The following CCDC73 variants were observed in gnomAD, a reference collection of about 807,000 sequenced individuals.
CCDC73 encodes the protein coiled-coil domain containing 73, also known as coiled-coil domain-containing protein 73.
In CCDC73, 95 loss-of-function variants were observed where a neutral mutation model predicts 116.5. The ratio of observed to expected loss-of-function variants is 0.82; its 90% CI spans 0.69 to 0.97. The LOEUF (loss-of-function observed/expected upper bound fraction) is 0.97, where lower values mean the gene tolerates loss of function less well. CCDC73 is among the 50% of genes least tolerant of loss of function. The pLI, the probability that CCDC73 is intolerant of heterozygous loss-of-function variation, is 0.00. For missense variants in CCDC73, 1,066 were observed against 1,206.8 expected, an observed-to-expected ratio of 0.88 and a Z score of 1.73; for synonymous variants, 398 against 401.3, an observed-to-expected ratio of 0.99 and a Z score of 0.10.
At chr11:32,765,100 C>T (rs1217655452) in intron 1 of CCDC73, among the ~76,000 whole-genome samples, 1 of 152,096 alleles carries the variant, frequency 6.6e-6, no homozygotes, top group Non-Finnish European at 1.5e-5. Flanking sequence ...ACAGGATCAC[C>T]CAGATTCATA....
chr11:32,699,208 A>G, intron 6 of CCDC73, 43 bp downstream of exon 6: 1 of 1,531,348 alleles, frequency 6.5e-7, no homozygotes, highest in Non-Finnish European at 8.8e-7. Context: ...ATATAATGCT[A>G]AAATACCAAA....
At chr11:32,629,241 A>G (rs973173041) in intron 14 of CCDC73, among the ~76,000 whole-genome samples, 1 of 152,140 alleles carries the variant, frequency 6.6e-6, no homozygotes, top group East Asian at 1.9e-4. Flanking sequence ...AGAAAAAAAA[A>G]TTGAAGAAAT....
chr11:32,753,691 C>G (rs1790537385), intron 2 of CCDC73, among the ~76,000 whole-genome samples: 2 of 152,086 alleles, frequency 1.3e-5, no homozygotes, highest in Non-Finnish European at 2.9e-5. Context: ...GTCTCGAACT[C>G]CTGACCTCAA....
intron 14 of CCDC73, among the ~76,000 whole-genome samples, chr11:32,634,693 A>T (rs201851): frequency 6.6e-6 from 1 of 152,084 alleles, no homozygotes; most frequent in African/African-American, 2.4e-5. Context: ...AGCATACAGC[A>T]TTTTAGAAAG....
intron 1 of CCDC73, among the ~76,000 whole-genome samples, chr11:32,774,252 A>C (rs1850513766): frequency 2.0e-5 from 2 of 100,266 alleles, no homozygotes; most frequent in South Asian, 7.2e-4. Context: ...TTTTATTCCC[A>C]AGTCTTATTC....
intron 7 of CCDC73, chr11:32,682,477 A>G (rs1856155690): frequency 6.6e-6 from 1 of 151,952 alleles, no homozygotes; most frequent in Admixed American, 6.6e-5. Context: ...TAACACACCA[A>G]ACAATTTCAA....
chr11:32,684,928 T>C (rs1476879488), intron 6 of CCDC73, among the ~76,000 whole-genome samples: 4 of 151,996 alleles, frequency 2.6e-5, no homozygotes, highest in Admixed American at 6.6e-5. Context: ...TTGCAGTGAA[T>C]TGAGACTGCG....
chr11:32,633,560 A>G (rs941589711), intron 14 of CCDC73, among the ~76,000 whole-genome samples: 20 of 152,182 alleles, frequency 1.3e-4, no homozygotes, highest in African/African-American at 4.1e-4. Flanking sequence ...AAAAATAGGT[A>G]AAGGAAAAGG....
Position 32,732,555 on chromosome 11 carries a change from C to T in CCDC73, c.136-14408G>A, listed in dbSNP as rs548490691. On this transcript the variant is annotated intron_variant, in intron 2 of 17. Coordinates refer to ENST00000335185, the MANE Select transcript of CCDC73 (RefSeq NM_001008391.4). ...TACCCACAAAGGGAAGCCCATCAGA[C>T]TAACAGCGGATCTCTTGGCAAAAAC... 3.3e-4 allele frequency among the ~76,000 whole-genome samples: 51 copies of T among 152,328 alleles called. No homozygotes were observed. In the South Asian group the frequency reaches 6.0e-3, roughly 18 times the overall value.
chr11:32,773,113 C>T (rs192823646), intron 1 of CCDC73, among the ~76,000 whole-genome samples: 2 of 152,250 alleles, frequency 1.3e-5, no homozygotes, highest in Non-Finnish European at 2.9e-5. Context: ...AGTAATGACA[C>T]ATGCAACAAC....
chr11:32,654,529 A>G (rs1382535666), intron 10 of CCDC73, among the ~76,000 whole-genome samples: 1 of 152,196 alleles, frequency 6.6e-6, no homozygotes, highest in Non-Finnish European at 1.5e-5. Flanking sequence ...ACTGAAGAAG[A>G]TTTTATATAC....
intron 16 of CCDC73, among the ~76,000 whole-genome samples, chr11:32,612,127 A>G (rs1207922229): frequency 2.6e-5 from 4 of 152,054 alleles, no homozygotes; most frequent in African/African-American, 9.7e-5. Flanking sequence ...GTCTCTTTAA[A>G]TTTTTCTCAA....
chr11:32,805,488 G>T, the CCDC73 span, among the ~76,000 whole-genome samples: 2 of 152,134 alleles, frequency 1.3e-5, no homozygotes, highest in Non-Finnish European at 2.9e-5. Flanking sequence ...TAAAATGCTT[G>T]CTGGGCCCCT....
intron 3 of CCDC73, among the ~76,000 whole-genome samples, chr11:32,705,347 T>A (rs910224855): frequency 2.0e-5 from 3 of 152,150 alleles, no homozygotes; most frequent in African/African-American, 7.2e-5. Context: ...TTGGGCTCTG[T>A]GGTTCCTAGC....
At position 32,653,085 on chromosome 11, in the gene CCDC73, CAGAT is replaced by C. The variant is rs766189614; in HGVS notation, c.939+34_939+37del. Reference sequence around the variant, plus strand: ...TAATTAGTGAAAATATACTAAAACACAGATAGATAGACAGACAGACAGACAGATA... The same window carrying C: ...TAATTAGTGAAAATATACTAAAACACAGATAGACAGACAGACAGACAGATA... On this transcript the variant is annotated intron_variant, in intron 12 of 17. Transcript: ENST00000335185. 831 of 1,213,370 alleles carry C rather than the reference CAGAT, an allele frequency of 6.8e-4. 2 individuals are homozygous for C. Among genetic ancestry groups the C allele is most frequent in the Non-Finnish European group, 9.4e-4 (779 of 828,114 alleles). 75.2% of individuals were successfully genotyped at this position (1,213,370 alleles called of 1,614,324 possible).
rs1356030342 is a variant in CCDC73 at position 32,613,767 on chromosome 11, C to T, written c.2551G>A (p.Asp851Asn). The change falls in exon 16 of 18, where the codon GAC becomes AAC. Residue 851 changes from aspartate to asparagine, a missense_variant. Coordinates refer to ENST00000335185, the MANE Select transcript of CCDC73 (RefSeq NM_001008391.4). ...CTGAACATTTTTCCTGAAACAATGT[C>T]ATTTAATGATTCTGTTTTCTCTGTA... is the stretch of plus-strand genomic sequence containing the variant. ...NNTEKTESLN[D>N]IVSGKMFSEG... 2 of 1,613,862 alleles carry T rather than the reference C, an allele frequency of 1.2e-6. No individual in the cohort carries two copies. The highest frequency in any genetic ancestry group is 1.7e-6 in the Non-Finnish European group (2 of 1,179,878).
At chr11:32,769,527 T>A (rs903500028) in intron 1 of CCDC73, among the ~76,000 whole-genome samples, 14 of 152,180 alleles carry the variant, frequency 9.2e-5, no homozygotes, top group African/African-American at 3.4e-4. Context: ...GGAGTAACAC[T>A]GCTCCTGTCA....
intron 1 of CCDC73, among the ~76,000 whole-genome samples, chr11:32,776,593 T>A (rs1388498284): frequency 6.6e-6 from 1 of 152,138 alleles, no homozygotes; most frequent in African/African-American, 2.4e-5. Flanking sequence ...TTTCAAGGCC[T>A]CTTTTCTCCA....
chr11:32,764,930 A>C (rs1193449696), intron 1 of CCDC73, among the ~76,000 whole-genome samples: 1 of 152,214 alleles, frequency 6.6e-6, no homozygotes, highest in Non-Finnish European at 1.5e-5. Context: ...TCTACCAAGC[A>C]AATGGAAAAC....
Sources: allele counts gnomAD v4.1 joint callset (sites outside exome capture counted in the v4.1 genomes callset), GRCh38; gene constraint gnomAD v4.1.1; transcripts MANE v1.5; gene names NCBI Gene and HGNC (gene_info 2026-07-23, HGNC 2026-07-21).